Variants in UHRF1 observed in about 807,000 individuals in gnomAD.
The protein encoded by UHRF1 is ubiquitin like with PHD and ring finger domains 1, also known as E3 ubiquitin-protein ligase UHRF1.
UHRF1 carries 9 observed loss-of-function variants against 96.5 expected under a neutral mutation model. That is an observed-to-expected ratio of 0.09 (90% CI 0.06 to 0.16). The LOEUF (loss-of-function observed/expected upper bound fraction) is 0.16, where lower values mean the gene tolerates loss of function less well. Among genes scored for constraint, UHRF1 ranks in the 10% least tolerant of loss-of-function variants. The pLI is 1.00. For missense variants in UHRF1, 626 were observed against 1,131.1 expected, an observed-to-expected ratio of 0.55 and a Z score of 6.40; for synonymous variants, 455 against 469.9, an observed-to-expected ratio of 0.97 and a Z score of 0.41.
chr19:4,944,568 T>G, intron 9 of UHRF1, 118 bp downstream of exon 9: 1 of 1,115,556 alleles, frequency 9.0e-7, no homozygotes, highest in Non-Finnish European at 1.3e-6. Context: ...GTGCCTCGGC[T>G]AGCCGAGGAG....
intron 6 of UHRF1, 54 bp from the exon 7 acceptor site, chr19:4,941,691 C>G (rs1199230513): frequency 1.7e-5 from 27 of 1,570,298 alleles, no homozygotes; most frequent in East Asian, 2.4e-5. Flanking sequence ...GCTCTTGTCC[C>G]GTCTCTGGCT....
intron 12 of UHRF1, 26 bp from the exon 13 acceptor site, chr19:4,950,832 GC>G (rs2033698185): frequency 1.2e-6 from 2 of 1,614,036 alleles, no homozygotes; most frequent in African/African-American, 1.3e-5. Context: ...CTCTGATGGA[GC>G]TGACGCTGAT....
chr19:4,917,561 G>A (rs2032562919), intron 2 of UHRF1, among the ~76,000 whole-genome samples: 1 of 149,952 alleles, frequency 6.7e-6, no homozygotes, highest in Admixed American at 6.7e-5. Context: ...GGCTGACGCA[G>A]GAGAATTGCT....
intron 13 of UHRF1, among the ~76,000 whole-genome samples, chr19:4,953,564 A>C: frequency 6.6e-6 from 1 of 152,054 alleles, no homozygotes; most frequent in East Asian, 1.9e-4. Context: ...CCTGGGCTCA[A>C]GTGATTCTCC....
At chr19:4,916,618 A>C (rs967998120) in intron 2 of UHRF1, among the ~76,000 whole-genome samples, 1 of 151,746 alleles carries the variant, frequency 6.6e-6, no homozygotes, top group Non-Finnish European at 1.5e-5. Context: ...GTGTGCTGGG[A>C]TGCCCTCGCG....
intron 5 of UHRF1, among the ~76,000 whole-genome samples, chr19:4,933,441 C>G (rs1228422022): frequency 6.6e-6 from 1 of 152,172 alleles, no homozygotes; most frequent in Non-Finnish European, 1.5e-5. Flanking sequence ...GTCTCGATCT[C>G]CTGACCTCGT....
rs369211561 is a variant in UHRF1, at chr19:4,930,133, CCT to C, written c.409-582_409-581del. Among the ~76,000 whole-genome samples, 47 of 152,284 alleles carry C rather than the reference CCT, an allele frequency of 3.1e-4. No homozygotes were observed. Among genetic ancestry groups the C allele is most frequent in the African/African-American group, 1.1e-3 (44 of 41,558 alleles). On this transcript the variant is annotated intron_variant, in intron 3 of 16. Coordinates refer to ENST00000650932, the MANE Select transcript of UHRF1 (RefSeq NM_001048201.3). The surrounding 1 kb of genome is among the most constrained non-coding windows in gnomAD (Gnocchi z 4.4). ...GGGATTACAGGCATGTGCCACCACA[CCT>C]GGCTAATTTTTGTATTTTTTGTAGA...
At chr19:4,948,526 C>T (rs183207903) in intron 11 of UHRF1, among the ~76,000 whole-genome samples, 2 of 152,112 alleles carry the variant, frequency 1.3e-5, no homozygotes, top group African/African-American at 2.4e-5. Flanking sequence ...GAGCTGGGTG[C>T]GGTGGCTCAC....
At chr19:4,928,468 T>A (rs1474215050) in intron 2 of UHRF1, among the ~76,000 whole-genome samples, 2 of 152,146 alleles carry the variant, frequency 1.3e-5, no homozygotes, top group African/African-American at 4.8e-5. Context: ...CCTCCTTGCA[T>A]ACCTGCTGAG....
chr19:4,956,899 CAG>C (rs2033871211), intron 16 of UHRF1, 86 bp downstream of exon 16: 6 of 961,990 alleles, frequency 6.2e-6, no homozygotes, highest in Non-Finnish European at 9.8e-6. Context: ...CCACTACAGA[CAG>C]AGGCTTGTTG....
At chr19:4,945,655 G>A (rs1408831131) in intron 9 of UHRF1, among the ~76,000 whole-genome samples, 1 of 133,018 alleles carries the variant, frequency 7.5e-6, no homozygotes, top group East Asian at 2.6e-4. Context: ...CACGCCAGCT[G>A]GTTTTTTTTT....
At chr19:4,937,842 T>G (rs2602698) in intron 5 of UHRF1, among the ~76,000 whole-genome samples, 43,803 of 152,064 alleles carry the variant, frequency 0.29, 6,587 homozygotes, top group Middle Eastern at 0.4. Context: ...CTTTAAAGGT[T>G]TGATAGAATT....
intron 5 of UHRF1, 113 bp from the exon 6 acceptor site, chr19:4,941,415 G>T (rs2033395083): frequency 2.7e-6 from 2 of 742,732 alleles, no homozygotes; most frequent in African/African-American, 3.5e-5. Flanking sequence ...TTGCTAGGGG[G>T]CGTAGCTGAG....
intron 2 of UHRF1, among the ~76,000 whole-genome samples, chr19:4,917,071 G>C (rs953210616): frequency 6.2e-5 from 6 of 96,012 alleles, no homozygotes; most frequent in South Asian, 5.3e-4. Context: ...GCAGCTCGGT[G>C]GGGGGGGGGG....
At chr19:4,904,503 CAG>C (rs2032024287), upstream of UHRF1, among the ~76,000 whole-genome samples, 1 of 152,122 alleles carries the variant, frequency 6.6e-6, no homozygotes, top group African/African-American at 2.4e-5. Flanking sequence ...TTAGTAGAGA[CAG>C]GGTTTCACCA....
At chr19:4,915,725 C>CA (rs1568407613) in intron 2 of UHRF1, among the ~76,000 whole-genome samples, 1 of 151,844 alleles carries the variant, frequency 6.6e-6, no homozygotes, top group Admixed American at 6.6e-5. Context: ...AAAAGCAAAA[C>CA]AAAAAACAAA....
intron 7 of UHRF1, 91 bp from the exon 8 acceptor site, chr19:4,944,041 G>A: frequency 1.9e-6 from 3 of 1,557,268 alleles, no homozygotes; most frequent in Non-Finnish European, 2.6e-6. Flanking sequence ...CAGGCGGGGA[G>A]AGCCATGTCC....
At chr19:4,959,155 C>G (rs914565380) in intron 16 of UHRF1, among the ~76,000 whole-genome samples, 4 of 151,812 alleles carry the variant, frequency 2.6e-5, no homozygotes, top group African/African-American at 9.7e-5. Context: ...CATGATGAAA[C>G]CCTGTCTCTA....
In UHRF1 at chr19:4,928,695, A is replaced by C. The variant is rs562350175; in HGVS notation, c.154-527A>C. Among the ~76,000 whole-genome samples, 72 of 152,284 alleles carry C rather than the reference A, an allele frequency of 4.7e-4. 1 individual carries two copies. The highest frequency in any genetic ancestry group is 3.0e-3 in the Admixed American group (46 of 15,306). ...TGGGACAGGGTCTCTCTGTCTCGACACTGGACAGTGGGACCGTCCTGGGCA... is the reference window on the plus strand; with the variant it reads ...TGGGACAGGGTCTCTCTGTCTCGACCCTGGACAGTGGGACCGTCCTGGGCA... On this transcript the variant is annotated intron_variant, in intron 2 of 16. Transcript: ENST00000650932.
Sources: gnomAD v4.1 joint callset for allele counts (sites outside exome capture counted in the v4.1 genomes callset) on GRCh38, gnomAD v4.1.1 for gene constraint, Gnocchi (gnomAD v3.1) non-coding constraint, MANE v1.5 for transcripts, NCBI Gene and HGNC (gene_info 2026-07-23, HGNC 2026-07-21) for gene names.